Variants in NAALADL2 observed in about 807,000 individuals in gnomAD.
NAALADL2 encodes N-acetylated alpha-linked acidic dipeptidase like 2, also known as inactive N-acetylated-alpha-linked acidic dipeptidase-like protein 2.
In NAALADL2, 76 loss-of-function variants were observed where a neutral mutation model predicts 87.2. The observed-to-expected ratio is 0.87, with a 90% CI of 0.72 to 1.05. The LOEUF (loss-of-function observed/expected upper bound fraction) is 1.05, where lower values mean the gene tolerates loss of function less well. Among genes scored for constraint, NAALADL2 ranks in the 50% least tolerant of loss-of-function variants. The pLI is 0.00. For synonymous variants in NAALADL2, 354 were observed against 331.0 expected (o/e 1.07, Z -0.75); for missense variants, 1,089 against 945.8 (o/e 1.15, Z -1.99).
At chr3:174,624,023 C>G (rs1169598566) in intron 2 of NAALADL2, among the ~76,000 whole-genome samples, 2 of 152,030 alleles carry the variant, frequency 1.3e-5, no homozygotes, top group Non-Finnish European at 2.9e-5. Flanking sequence ...TAATATTTTT[C>G]TAAGCATAGT....
chr3:175,430,170 A>C (rs1286618259), intron 5 of NAALADL2, among the ~76,000 whole-genome samples: 2 of 151,862 alleles, frequency 1.3e-5, no homozygotes, highest in Admixed American at 1.3e-4. Context: ...TAATATTCTG[A>C]TTTTATATTC....
chr3:175,384,218 T>A (rs1283329170), intron 5 of NAALADL2, among the ~76,000 whole-genome samples: 1 of 152,040 alleles, frequency 6.6e-6, no homozygotes, highest in East Asian at 1.9e-4. Flanking sequence ...TTTAGTATAA[T>A]GGTAAATATT....
At chr3:174,804,040 G>A (rs1719166310) in intron 3 of NAALADL2, among the ~76,000 whole-genome samples, 1 of 152,022 alleles carries the variant, frequency 6.6e-6, no homozygotes, top group Non-Finnish European at 1.5e-5. Flanking sequence ...ATAGCATTGA[G>A]TCTATAAATT....
intron 2 of NAALADL2, among the ~76,000 whole-genome samples, chr3:175,130,668 G>C (rs1727687871): frequency 6.6e-6 from 1 of 152,182 alleles, no homozygotes; most frequent in Non-Finnish European, 1.5e-5. Context: ...GCCATTGAGA[G>C]GGTCAGATAG....
intron 3 of NAALADL2, among the ~76,000 whole-genome samples, chr3:175,234,605 T>G (rs1324767706): frequency 2.0e-5 from 3 of 152,196 alleles, no homozygotes; most frequent in African/African-American, 7.2e-5. Flanking sequence ...AAAATTGATA[T>G]GATTATTAAC....
intron 3 of NAALADL2, among the ~76,000 whole-genome samples, chr3:174,838,032 A>C (rs183071885): frequency 2.9e-5 from 4 of 137,004 alleles, no homozygotes; most frequent in African/African-American, 1.1e-4. Flanking sequence ...AAAAAAAAAA[A>C]AAAAGAAAAA....
chr3:175,362,271 CT>C lies in NAALADL2; in HGVS notation c.1090+37948del, dbSNP rs1408424834. 2.3e-4 allele frequency among the ~76,000 whole-genome samples: 34 copies of C among 147,904 alleles called. 2 individuals are homozygous for C. Among genetic ancestry groups the C allele is most frequent in the Admixed American group, 2.1e-3 (31 of 14,430 alleles). ...ACCATGCTGTTTTGGTTACTGTAGC[CT>C]TGTTGTATAGTTTGAAGTCAGGTAG... On this transcript the variant is annotated intron_variant, in intron 5 of 13. Transcript: ENST00000454872.
chr3:174,447,450 T>A (rs1715138574), intron 1 of NAALADL2, among the ~76,000 whole-genome samples: 1 of 152,202 alleles, frequency 6.6e-6, no homozygotes, highest in Non-Finnish European at 1.5e-5. Context: ...GTTAAATAAT[T>A]TAACGGGTAA....
At chr3:175,525,177 G>A (rs1318169985) in intron 9 of NAALADL2, among the ~76,000 whole-genome samples, 1 of 151,904 alleles carries the variant, frequency 6.6e-6, no homozygotes, top group Non-Finnish European at 1.5e-5. Flanking sequence ...GTTTCTTCTG[G>A]TTAATGTTAT....
Position 175,138,557 on chromosome 3 carries a change from A to C in NAALADL2, c.545+41266A>C, listed in dbSNP as rs1012531640. Among the ~76,000 whole-genome samples the C allele has an allele frequency of 2.6e-5, 4 of 151,828 alleles. No individual in the cohort carries two copies. The South Asian group carries it at 8.3e-4, about 32-fold the overall frequency. ...GTAATGATGAGATTTTTGCCACCAA[A>C]TGAGTTTACTGCAAACTTACGAAAA... On this transcript the variant is annotated intron_variant, in intron 2 of 13. Transcript: ENST00000454872.
At chr3:175,008,895 G>T (rs1749413791) in intron 1 of NAALADL2, among the ~76,000 whole-genome samples, 1 of 152,120 alleles carries the variant, frequency 6.6e-6, no homozygotes, top group Non-Finnish European at 1.5e-5. Context: ...AGATGCAAAG[G>T]AAAGGTTGTT....
intron 1 of NAALADL2, among the ~76,000 whole-genome samples, chr3:174,991,091 A>G (rs1347900459): frequency 6.6e-6 from 1 of 152,182 alleles, no homozygotes; most frequent in African/African-American, 2.4e-5. Context: ...ACTAATTTAA[A>G]AAAAACCTTG....
At chr3:175,083,941 G>T (rs191990855) in intron 1 of NAALADL2, among the ~76,000 whole-genome samples, 7 of 152,178 alleles carry the variant, frequency 4.6e-5, no homozygotes, top group Non-Finnish European at 8.8e-5. Context: ...ATTAAGAACT[G>T]AACCTGAGGG....
chr3:175,204,972 A>C (rs939171670), intron 2 of NAALADL2, among the ~76,000 whole-genome samples: 5 of 152,194 alleles, frequency 3.3e-5, no homozygotes, highest in African/African-American at 1.2e-4. Flanking sequence ...AAACAAATGG[A>C]AACACATCCC....
chr3:174,977,281 C>A (rs1443106460), intron 1 of NAALADL2, among the ~76,000 whole-genome samples: 1 of 152,090 alleles, frequency 6.6e-6, no homozygotes. Flanking sequence ...CCCCACACCA[C>A]GCCCAGCTAA....
At chr3:174,506,699 T>A (rs1719227983) in intron 1 of NAALADL2, among the ~76,000 whole-genome samples, 1 of 152,212 alleles carries the variant, frequency 6.6e-6, no homozygotes, top group African/African-American at 2.4e-5. Flanking sequence ...AAGTTTACTC[T>A]TCTATCAGCA....
chr3:175,236,490 G>A (rs1745891490), intron 3 of NAALADL2, among the ~76,000 whole-genome samples: 1 of 148,356 alleles, frequency 6.7e-6, no homozygotes, highest in South Asian at 2.2e-4. Flanking sequence ...GGAGGTTGCA[G>A]TCAGCCAAGA....
chr3:175,143,696 T>C (rs905841581), intron 2 of NAALADL2, among the ~76,000 whole-genome samples: 1 of 151,912 alleles, frequency 6.6e-6, no homozygotes, highest in Non-Finnish European at 1.5e-5. Context: ...CTAAAATCAC[T>C]GTAAACAAAA....
intron 13 of NAALADL2, among the ~76,000 whole-genome samples, chr3:175,795,439 C>T (rs776282202): frequency 1.2e-4 from 18 of 151,288 alleles, no homozygotes; most frequent in Non-Finnish European, 2.1e-4. Flanking sequence ...TTTGGGAGAC[C>T]GAGGTAAGTG....
Sources: allele counts gnomAD v4.1 joint callset (sites outside exome capture counted in the v4.1 genomes callset), GRCh38; gene constraint gnomAD v4.1.1; transcripts MANE v1.5; gene names NCBI Gene and HGNC (gene_info 2026-07-23, HGNC 2026-07-21).